Variants in TMEM50B observed in about 807,000 individuals in gnomAD.
TMEM50B encodes transmembrane protein 50B.
A neutral mutation model predicts 23.4 loss-of-function variants in TMEM50B; 14 were observed. The ratio of observed to expected loss-of-function variants is 0.60; its 90% CI spans 0.39 to 0.93. The LOEUF (loss-of-function observed/expected upper bound fraction) is 0.93. TMEM50B is among the 40% of genes least tolerant of loss of function. The pLI is 0.00. For missense variants in TMEM50B, 159 were observed against 193.0 expected (o/e 0.82, Z 1.04); for synonymous variants, 64 against 62.3 (o/e 1.03, Z -0.13).
chr21:33,473,760 C>T (rs1040863200), intron 1 of TMEM50B, among the ~76,000 whole-genome samples: 2 of 152,004 alleles, frequency 1.3e-5, no homozygotes, highest in African/African-American at 2.4e-5. Context: ...CAGCATTATT[C>T]GTAATTGCCA....
chr21:33,460,577 TA>T, intron 4 of TMEM50B, 72 bp from the exon 5 acceptor site: 1 of 821,860 alleles, frequency 1.2e-6, no homozygotes, highest in East Asian at 2.5e-5. Context: ...TACATAATAC[TA>T]GGAGCCCTGT....
At position 33,457,136 on chromosome 21, in the gene TMEM50B, C is replaced by T. The variant is rs1466068102; in HGVS notation, c.374-1352G>A. Among the ~76,000 whole-genome samples, 3 of 151,412 alleles carry T rather than the reference C, an allele frequency of 2.0e-5. No individual in the cohort carries two copies. The Admixed American group carries it at 2.0e-4, about 10-fold the overall frequency. On this transcript the variant is annotated intron_variant, in intron 5 of 6. Transcript: ENST00000542230. ...AAGTGTGGTGGTGGATGGCTGTAAT[C>T]CCAGCTACTTGGGAGATTGAGACAG... is the stretch of plus-strand genomic sequence containing the variant.
intron 1 of TMEM50B, chr21:33,469,632 G>A (rs982112354): frequency 2.0e-5 from 3 of 152,172 alleles, no homozygotes; most frequent in Non-Finnish European, 4.4e-5. Context: ...GTCACAGAAG[G>A]CAATGGAGCA....
At chr21:33,454,601 G>T (rs1400781413) in intron 6 of TMEM50B, among the ~76,000 whole-genome samples, 2 of 151,948 alleles carry the variant, frequency 1.3e-5, no homozygotes, top group Non-Finnish European at 2.9e-5. Flanking sequence ...ACACCTGGCT[G>T]GCCACTAGGT....
chr21:33,468,934 CAG>C lies in TMEM50B; in HGVS notation c.-41-10_-41-9del. ...TTCATTAAATGCTGTATCCTACAAA[CAG>C]AAAGACAAAAACTAATCAACCTAAG... On this transcript the variant is annotated splice_polypyrimidine_tract_variant and intron_variant, in intron 1 of 6. Transcript: ENST00000542230. The C allele has an allele frequency of 7.0e-7, 1 of 1,420,380 alleles. No individual in the cohort carries two copies. The highest frequency in any genetic ancestry group is 9.8e-7 in the Non-Finnish European group (1 of 1,016,876). The allele number at this position is 1,420,380 out of a possible 1,614,324, so 88.0% of individuals were successfully genotyped here. A position where few individuals can be genotyped will look rare whatever the true frequency, so the allele number is the denominator to read the frequency against.
chr21:33,440,209 ATAGT>A (rs1460733726), intron 7 of TMEM50B, among the ~76,000 whole-genome samples: 2 of 152,196 alleles, frequency 1.3e-5, no homozygotes, highest in East Asian at 1.9e-4. Flanking sequence ...ACATCTTGGA[ATAGT>A]TAAAGTCAAA....
chr21:33,465,145 A>G (rs2084254199), intron 4 of TMEM50B, 197 bp downstream of exon 4: 1 of 481,064 alleles, frequency 2.1e-6, no homozygotes, highest in East Asian at 3.2e-5. Flanking sequence ...GCAGTGTAAC[A>G]TGACAAAAAC....
intron 8 of TMEM50B, among the ~76,000 whole-genome samples, chr21:33,436,618 G>A (rs2083954220): frequency 6.6e-6 from 1 of 151,828 alleles, no homozygotes; most frequent in South Asian, 2.1e-4. Context: ...GCTACTTGGA[G>A]GATTGAGGCA....
intron 8 of TMEM50B, among the ~76,000 whole-genome samples, chr21:33,436,250 G>A (rs1016055580): frequency 6.6e-6 from 1 of 151,520 alleles, no homozygotes; most frequent in East Asian, 1.9e-4. Context: ...AGCTACTTGG[G>A]AGGCTGAGGC....
chr21:33,457,392 G>A (rs921274500), intron 5 of TMEM50B, among the ~76,000 whole-genome samples: 2 of 152,074 alleles, frequency 1.3e-5, no homozygotes, highest in African/African-American at 4.8e-5. Flanking sequence ...GTTCATGCCT[G>A]TAATCCCAAC....
intron 1 of TMEM50B, 33 bp from the exon 2 acceptor site, chr21:33,468,959 A>G: frequency 8.5e-7 from 1 of 1,182,070 alleles, no homozygotes; most frequent in Non-Finnish European, 1.2e-6. Flanking sequence ...TAATCAACCT[A>G]AGAAAATGTT....
intron 8 of TMEM50B, chr21:33,432,995 C>T: frequency 1.3e-6 from 1 of 788,482 alleles, no homozygotes; most frequent in Non-Finnish European, 2.1e-6. Flanking sequence ...AAGCGATTCT[C>T]CTGCCTCAGC....
At chr21:33,466,539 T>A (rs554658219) in intron 3 of TMEM50B, among the ~76,000 whole-genome samples, 1 of 152,200 alleles carries the variant, frequency 6.6e-6, no homozygotes, top group East Asian at 1.9e-4. Flanking sequence ...CTACAACACC[T>A]ACGGGTGATT....
At chr21:33,468,505 A>C (rs1322362138) in intron 2 of TMEM50B, 1 of 339,044 alleles carries the variant, frequency 2.9e-6, no homozygotes, top group Non-Finnish European at 5.4e-6. Context: ...AAGTACTTAC[A>C]TATATGTTGT....
At chr21:33,473,027 G>C (rs145286265) in intron 1 of TMEM50B, among the ~76,000 whole-genome samples, 5 of 152,248 alleles carry the variant, frequency 3.3e-5, no homozygotes, top group Non-Finnish European at 7.4e-5. Context: ...AGAAACTCTT[G>C]AAACAGTCTT....
At chr21:33,475,950 T>C (rs1245313013) in intron 1 of TMEM50B, among the ~76,000 whole-genome samples, 2 of 151,520 alleles carry the variant, frequency 1.3e-5, no homozygotes, top group Middle Eastern at 3.3e-3. Flanking sequence ...CCCCCTCTAA[T>C]CTGAAGGACC....
At chr21:33,463,446 A>G (rs556247672) in intron 4 of TMEM50B, among the ~76,000 whole-genome samples, 1 of 152,350 alleles carries the variant, frequency 6.6e-6, no homozygotes, top group Non-Finnish European at 1.5e-5. Flanking sequence ...ACCATCATAG[A>G]AAGTAGATCA....
intron 3 of TMEM50B, 143 bp from the exon 4 acceptor site, chr21:33,465,552 A>C (rs2084258032): frequency 1.7e-6 from 1 of 586,316 alleles, no homozygotes; most frequent in Non-Finnish European, 2.8e-6. Context: ...TAACCTAATA[A>C]AAATGCTAGT....
Position 33,455,580 on chromosome 21 carries a change from G to GT in TMEM50B, c.431+146dup, listed in dbSNP as rs1164687980. 28 of 699,782 alleles carry GT rather than the reference G, an allele frequency of 4.0e-5. No homozygotes were observed. The East Asian group carries it at 6.6e-4, about 17-fold the overall frequency. The allele number at this position is 699,782 out of a possible 1,614,324, so 43.3% of individuals were successfully genotyped here. On this transcript the variant is annotated intron_variant, in intron 6 of 6. Transcript: ENST00000542230. ...AGTTAAAAGGCCTCTCTGCTCTTAT[G>GT]TAACAGTGGAATTCTCACCTTTTAA...
Sources: allele counts gnomAD v4.1 joint callset (sites outside exome capture counted in the v4.1 genomes callset), GRCh38; gene constraint gnomAD v4.1.1; transcripts MANE v1.5; gene names NCBI Gene and HGNC (gene_info 2026-07-23, HGNC 2026-07-21).